Variants in CAMTA1 observed in about 807,000 individuals in gnomAD.
CAMTA1 encodes the protein calmodulin binding transcription activator 1.
CAMTA1 carries 27 observed loss-of-function variants against 170.9 expected under a neutral mutation model. The ratio of observed to expected loss-of-function variants is 0.16; its 90% CI spans 0.12 to 0.22. The LOEUF is 0.22. CAMTA1 is among the 10% of genes least tolerant of loss of function. CAMTA1 has a pLI of 1.00. For synonymous variants in CAMTA1, 833 were observed against 891.5 expected, an observed-to-expected ratio of 0.93 and a Z score of 1.17; for missense variants, 1,619 against 2,217.2, an observed-to-expected ratio of 0.73 and a Z score of 5.42.
At chr1:7,188,847 T>C (rs1199250493) in intron 4 of CAMTA1, among the ~76,000 whole-genome samples, 1 of 152,226 alleles carries the variant, frequency 6.6e-6, no homozygotes, top group Non-Finnish European at 1.5e-5. Flanking sequence ...GGCTGGACCA[T>C]GTGGCAACTC....
At chr1:7,034,685 G>C (rs966398604) in intron 3 of CAMTA1, among the ~76,000 whole-genome samples, 3 of 152,150 alleles carry the variant, frequency 2.0e-5, no homozygotes, top group Non-Finnish European at 2.9e-5. Context: ...ATGCCCTCCT[G>C]TGCCATGGTT....
chr1:7,446,528 G>A, intron 5 of CAMTA1, among the ~76,000 whole-genome samples: 1 of 152,192 alleles, frequency 6.6e-6, no homozygotes, highest in South Asian at 2.1e-4. Context: ...GCCACCAGGA[G>A]GGCCCGGGTG....
chr1:7,168,732 T>C (rs1649009413), intron 4 of CAMTA1, among the ~76,000 whole-genome samples: 1 of 152,144 alleles, frequency 6.6e-6, no homozygotes, highest in Non-Finnish European at 1.5e-5. Flanking sequence ...ATCTGCACAG[T>C]AATGCAAGAA....
intron 5 of CAMTA1, among the ~76,000 whole-genome samples, chr1:7,359,521 C>T (rs745311783): frequency 2.6e-5 from 4 of 152,206 alleles, no homozygotes; most frequent in Admixed American, 6.5e-5. Flanking sequence ...CATCCCTCAC[C>T]CCATTCGACG....
Position 7,674,469 on chromosome 1 carries a change from GA to G in CAMTA1, c.2780-3128del, listed in dbSNP as rs1289967380. 6.6e-6 allele frequency among the ~76,000 whole-genome samples: 1 copy of G among 152,094 alleles called. No homozygotes were observed. The highest frequency in any genetic ancestry group is 1.5e-5 in the Non-Finnish European group (1 of 68,010). On this transcript the variant is annotated intron_variant, in intron 10 of 22. Transcript: ENST00000303635. The surrounding 1 kb of genome is among the most constrained non-coding windows in gnomAD (Gnocchi z 4.1). ...ACTCTGGATTCCTAAGAGGTCACCAGAACACAAAAGATGAAATTCAAAATGA... is the reference window on the plus strand; with the variant it reads ...ACTCTGGATTCCTAAGAGGTCACCAGACACAAAAGATGAAATTCAAAATGA...
At chr1:7,038,001 C>A (rs992751518) in intron 3 of CAMTA1, among the ~76,000 whole-genome samples, 1 of 150,864 alleles carries the variant, frequency 6.6e-6, no homozygotes, top group African/African-American at 2.4e-5. Flanking sequence ...AGCTGTAAGA[C>A]CTTGGGCAAG....
intron 3 of CAMTA1, among the ~76,000 whole-genome samples, chr1:7,024,227 G>T (rs1195381875): frequency 1.3e-5 from 2 of 152,084 alleles, no homozygotes; most frequent in Admixed American, 6.6e-5. Context: ...AAGCAATACG[G>T]CTGGAGGAAT....
chr1:7,359,669 GCCAGTGGA>G (rs1350998374), intron 5 of CAMTA1, among the ~76,000 whole-genome samples: 2 of 152,204 alleles, frequency 1.3e-5, no homozygotes, highest in Admixed American at 6.5e-5. Flanking sequence ...CTGCAGATGG[GCCAGTGGA>G]CCATACCCAG....
In CAMTA1 at chr1:7,010,392, G is replaced by A. The variant is rs1430866111; in HGVS notation, c.235-80912G>A. On this transcript the variant is annotated intron_variant, in intron 3 of 22. Coordinates refer to ENST00000303635, the MANE Select transcript of CAMTA1 (RefSeq NM_015215.4). The surrounding 1 kb of genome is among the most constrained non-coding windows in gnomAD (Gnocchi z 4.4). ...GTGACTTTGGGCCACGGGCTGTGGC[G>A]TCACATCCTCCAGAGCCTTCTCTGG... Among the ~76,000 whole-genome samples, 4 of 152,318 alleles carry A rather than the reference G, an allele frequency of 2.6e-5. No homozygotes were observed. Among genetic ancestry groups the A allele is most frequent in the East Asian group, 1.9e-4 (1 of 5,172 alleles).
In CAMTA1 at chr1:7,585,011, C is replaced by G. The variant is rs1416160590; in HGVS notation, c.511-55389C>G. Among the ~76,000 whole-genome samples, 1 of 152,140 alleles carries G rather than the reference C, an allele frequency of 6.6e-6. No homozygotes were observed. Among genetic ancestry groups the G allele is most frequent in the African/African-American group, 2.4e-5 (1 of 41,412 alleles). ...ACATAGACCATATATTATGTAATGT[C>G]CCCGGCGGGATGTGGAGTAGCACCC... is the stretch of plus-strand genomic sequence containing the variant. On this transcript the variant is annotated intron_variant, in intron 6 of 22. Coordinates refer to ENST00000303635, the MANE Select transcript of CAMTA1 (RefSeq NM_015215.4). This position sits in a 1 kb window ranked among gnomAD's most constrained non-coding sequence, Gnocchi z 4.8.
chr1:7,291,616 C>G (rs1040392272), intron 5 of CAMTA1, among the ~76,000 whole-genome samples: 4 of 152,362 alleles, frequency 2.6e-5, no homozygotes, highest in African/African-American at 7.2e-5. Flanking sequence ...TGCCTGACCT[C>G]AGGAGGCTGA....
chr1:7,335,124 TTGTG>T (rs577353689), intron 5 of CAMTA1, among the ~76,000 whole-genome samples: 4 of 19,170 alleles, frequency 2.1e-4, no homozygotes, highest in South Asian at 3.5e-3. Context: ...AGCACAGCTT[TTGTG>T]TGTGTGTGTG....
chr1:7,221,426 G>A (rs964624887), intron 4 of CAMTA1, among the ~76,000 whole-genome samples: 12 of 152,070 alleles, frequency 7.9e-5, no homozygotes, highest in African/African-American at 1.7e-4. Flanking sequence ...CCATTGCTCC[G>A]GCTTTTGGGT....
chr1:7,246,343 G>T (rs1665766581), intron 4 of CAMTA1, among the ~76,000 whole-genome samples: 2 of 152,204 alleles, frequency 1.3e-5, no homozygotes, highest in South Asian at 2.1e-4. Flanking sequence ...ATAGATTTAG[G>T]TGTAGATGAT....
intron 11 of CAMTA1, among the ~76,000 whole-genome samples, chr1:7,689,248 C>T (rs1359615625): frequency 9.0e-6 from 1 of 110,702 alleles, no homozygotes; most frequent in East Asian, 2.8e-4. Flanking sequence ...ACCTGGATGA[C>T]AAAAGTGAAA....
chr1:6,905,860 A>C (rs1678351630), intron 3 of CAMTA1, among the ~76,000 whole-genome samples: 1 of 152,166 alleles, frequency 6.6e-6, no homozygotes, highest in South Asian at 2.1e-4. Context: ...GGGTTGCCAG[A>C]GTGCAGAGTT....
chr1:7,530,320 T>C (rs1375104546), intron 6 of CAMTA1, among the ~76,000 whole-genome samples: 2 of 152,230 alleles, frequency 1.3e-5, no homozygotes, highest in African/African-American at 4.8e-5. Flanking sequence ...AATTTGTTAT[T>C]AGTGTGGCAC....
At chr1:6,799,742 A>T (rs955204417) in intron 1 of CAMTA1, among the ~76,000 whole-genome samples, 1 of 152,208 alleles carries the variant, frequency 6.6e-6, no homozygotes, top group Non-Finnish European at 1.5e-5. Context: ...CAGTTGCAGC[A>T]ATATACTGTA....
At chr1:6,904,808 A>T (rs1179451450) in intron 3 of CAMTA1, among the ~76,000 whole-genome samples, 1 of 127,972 alleles carries the variant, frequency 7.8e-6, no homozygotes, top group East Asian at 2.3e-4. Context: ...GCCTAGACTG[A>T]TCTCGAACTC....
Sources: gnomAD v4.1 joint callset for allele counts (sites outside exome capture counted in the v4.1 genomes callset) on GRCh38, gnomAD v4.1.1 for gene constraint, Gnocchi (gnomAD v3.1) non-coding constraint, MANE v1.5 for transcripts, NCBI Gene and HGNC (gene_info 2026-07-23, HGNC 2026-07-21) for gene names.